The following RHAG variants were observed in gnomAD, a reference collection of about 807,000 sequenced individuals.
RHAG encodes ammonium transporter Rh type A.
In RHAG, 25 loss-of-function variants were observed where a neutral mutation model predicts 42.4. The observed-to-expected ratio is 0.59, with a 90% CI of 0.43 to 0.82. The LOEUF (loss-of-function observed/expected upper bound fraction) is 0.82, where lower values mean the gene tolerates loss of function less well. Among genes scored for constraint, RHAG ranks in the 40% least tolerant of loss-of-function variants. The pLI is 0.00. For missense variants in RHAG, 483 were observed against 504.6 expected (o/e 0.96, Z 0.41); for synonymous variants, 182 against 177.7 (o/e 1.02, Z -0.19).
At chr6:49,606,576 T>C (rs1209215448) in intron 9 of RHAG, among the ~76,000 whole-genome samples, 2 of 152,140 alleles carry the variant, frequency 1.3e-5, no homozygotes, top group Non-Finnish European at 1.5e-5. Context: ...TATTTTTCTT[T>C]TACACTTGAC....
At chr6:49,631,137 A>G (rs1009973697) in intron 1 of RHAG, among the ~76,000 whole-genome samples, 2 of 152,102 alleles carry the variant, frequency 1.3e-5, no homozygotes, top group African/African-American at 2.4e-5. Context: ...TTTTCCTATT[A>G]CTGATAATGG....
chr6:49,634,174 T>C (rs899399125), intron 1 of RHAG, among the ~76,000 whole-genome samples: 1 of 152,164 alleles, frequency 6.6e-6, no homozygotes, highest in Non-Finnish European at 1.5e-5. Context: ...ATACAATATG[T>C]TGTTGCTAAC....
intron 7 of RHAG, among the ~76,000 whole-genome samples, chr6:49,609,722 T>G (rs560995270): frequency 2.0e-5 from 3 of 152,344 alleles, no homozygotes; most frequent in African/African-American, 4.8e-5. Context: ...TTTATTATTA[T>G]TGATCTCAAC....
chr6:49,611,036 C>T lies in RHAG; in HGVS notation c.1055G>A (p.Gly352Asp), dbSNP rs768093957. The change falls in exon 7 of 10, where the codon GGC (glycine) becomes GAC (aspartate). Residue 352 changes from glycine to aspartate, a missense_variant. Coordinates refer to ENST00000371175, the MANE Select transcript of RHAG (RefSeq NM_000324.3). ...GLAGIVAVAMGASNTSMAMQA... is the reference protein window; with the variant it reads ...GLAGIVAVAMDASNTSMAMQA... ...TTCTTTTACTCACGTGTTGGAGGCG[C>T]CCATTGCTACTGCCACAATGCCTGC... 4 of 1,613,836 alleles carry T rather than the reference C, an allele frequency of 2.5e-6. No individual in the cohort carries two copies. The highest frequency in any genetic ancestry group is 8.5e-7 in the Non-Finnish European group (1 of 1,179,820).
At chr6:49,618,512 T>C (rs1359053358) in intron 2 of RHAG, among the ~76,000 whole-genome samples, 2 of 152,224 alleles carry the variant, frequency 1.3e-5, no homozygotes, top group African/African-American at 4.8e-5. Flanking sequence ...GTTTACATTT[T>C]AGAAACAATC....
rs376828500 is a variant in RHAG, at chr6:49,632,681, G to A, written c.157+3975C>T. Among the ~76,000 whole-genome samples, 90 of 151,986 alleles carry A rather than the reference G, an allele frequency of 5.9e-4. 1 individual carries two copies. The highest frequency in any genetic ancestry group is 1.9e-3 in the African/African-American group (77 of 41,440). ...CAATCAAAGTACAGGATAAACTAACGGATTTTTAATGCCACAGAGTATAAA... is the reference window on the plus strand; with the variant it reads ...CAATCAAAGTACAGGATAAACTAACAGATTTTTAATGCCACAGAGTATAAA... On this transcript the variant is annotated intron_variant, in intron 1 of 9. Transcript: ENST00000371175.
chr6:49,630,699 T>G (rs776327153), intron 1 of RHAG, among the ~76,000 whole-genome samples: 29 of 152,340 alleles, frequency 1.9e-4, no homozygotes, highest in South Asian at 6.2e-4. Context: ...TCACACTTGC[T>G]TTCTGTGTTT....
chr6:49,618,245 G>C, intron 2 of RHAG, 27 bp from the exon 3 acceptor site: 1 of 1,613,766 alleles, frequency 6.2e-7, no homozygotes, highest in Non-Finnish European at 8.5e-7. Context: ...ATAAATTGAA[G>C]AGTAATGCAC....
intron 1 of RHAG, among the ~76,000 whole-genome samples, chr6:49,625,437 A>G (rs1762830080): frequency 6.6e-6 from 1 of 152,250 alleles, no homozygotes; most frequent in South Asian, 2.1e-4. Context: ...TTTGAGGATT[A>G]GAAAATAAAT....
At chr6:49,630,057 G>C (rs71568485) in intron 1 of RHAG, among the ~76,000 whole-genome samples, 1 of 152,350 alleles carries the variant, frequency 6.6e-6, no homozygotes, top group Admixed American at 6.5e-5. Flanking sequence ...CTAGGCAGAG[G>C]AGGCGCCGAG....
At chr6:49,636,038 T>G in intron 1 of RHAG, among the ~76,000 whole-genome samples, 1 of 152,138 alleles carries the variant, frequency 6.6e-6, no homozygotes, top group Non-Finnish European at 1.5e-5. Flanking sequence ...GAATTAAATT[T>G]CTCTCTTTGC....
At chr6:49,624,591 T>C (rs1462805490) in intron 1 of RHAG, among the ~76,000 whole-genome samples, 2 of 152,232 alleles carry the variant, frequency 1.3e-5, no homozygotes, top group Non-Finnish European at 2.9e-5. Flanking sequence ...ATTCTAATTG[T>C]TTACTAGCTG....
chr6:49,618,009 T>G, intron 3 of RHAG, 59 bp downstream of exon 3: 1 of 1,537,164 alleles, frequency 6.5e-7, no homozygotes, highest in Non-Finnish European at 9.0e-7. Context: ...CACCCATTGT[T>G]TTTTTGTAGC....
chr6:49,615,248 C>A (rs1368747088), intron 4 of RHAG: 1 of 276,752 alleles, frequency 3.6e-6, no homozygotes, highest in Non-Finnish European at 6.9e-6. Flanking sequence ...CCACGCCCAG[C>A]CTGGAGGATG....
At position 49,610,777 on chromosome 6, in the gene RHAG, G is replaced by A. The variant is rs186228311; in HGVS notation, c.1067+247C>T. On this transcript the variant is annotated intron_variant, in intron 7 of 9. Transcript: ENST00000371175. ...TATCAAATTTCCCTGTCTGCTAGGA[G>A]ACAGTTGTTTCTGGTAAAGACATTT... Among the ~76,000 whole-genome samples, 101 of 152,314 alleles carry A rather than the reference G, an allele frequency of 6.6e-4. 1 individual carries two copies. Among genetic ancestry groups the A allele is most frequent in the African/African-American group, 2.3e-3 (94 of 41,576 alleles).
intron 9 of RHAG, among the ~76,000 whole-genome samples, chr6:49,606,299 C>A (rs1774162796): frequency 6.6e-6 from 1 of 151,984 alleles, no homozygotes; most frequent in Non-Finnish European, 1.5e-5. Flanking sequence ...ACCAAATAAA[C>A]CTGTGGACTA....
intron 1 of RHAG, among the ~76,000 whole-genome samples, chr6:49,621,199 G>C: frequency 6.6e-6 from 1 of 152,100 alleles, no homozygotes; most frequent in African/African-American, 2.4e-5. Flanking sequence ...GCTGAGATGC[G>C]CTGCCCAGAT....
intron 1 of RHAG, among the ~76,000 whole-genome samples, chr6:49,628,468 G>C (rs1431509546): frequency 6.6e-6 from 1 of 152,078 alleles, no homozygotes; most frequent in Admixed American, 6.6e-5. Flanking sequence ...ATGAAGCCGC[G>C]GACCCTCGAG....
chr6:49,621,560 T>A (rs1191538121), intron 1 of RHAG, among the ~76,000 whole-genome samples: 1 of 152,214 alleles, frequency 6.6e-6, no homozygotes, highest in East Asian at 1.9e-4. Context: ...TTTACCTGAC[T>A]CGCTGATGGG....
Sources: gnomAD v4.1 joint callset for allele counts (sites outside exome capture counted in the v4.1 genomes callset) on GRCh38, gnomAD v4.1.1 for gene constraint, MANE v1.5 for transcripts, NCBI Gene and HGNC (gene_info 2026-07-23, HGNC 2026-07-21) for gene names.